BRAT1: variants seen among roughly 807,000 people sequenced by gnomAD.
The protein encoded by BRAT1 is integrator complex assembly factor BRAT1.
BRAT1 carries 74 observed loss-of-function variants against 70.6 expected under a neutral mutation model. The observed-to-expected ratio is 1.05, with a 90% CI of 0.87 to 1.27. The LOEUF (loss-of-function observed/expected upper bound fraction) is 1.27, where lower values mean the gene tolerates loss of function less well. Among genes scored for constraint, BRAT1 ranks in the 50% most tolerant of loss-of-function variants. The probability of loss-of-function intolerance (pLI) is 0.00; values close to 1 mark genes in which losing one functional copy is unlikely to be tolerated. For missense variants in BRAT1, 1,203 were observed against 1,098.2 expected (o/e 1.10, Z -1.35); for synonymous variants, 615 against 517.1 (o/e 1.19, Z -2.57).
chr7:2,540,814 C>T (rs569562611), intron 10 of BRAT1, 165 bp downstream of exon 10: 51 of 695,614 alleles, frequency 7.3e-5, no homozygotes, highest in African/African-American at 5.1e-4. Context: ...GCCCTGGGCC[C>T]GCCCCATGCA....
chr7:2,538,043 GC>G lies in BRAT1; in HGVS notation c.*25del. ...ATGGTGCTGCCTCCCTTGGTCCTGA[GC>G]CCCAGTGGCAGACTCTGGTTCTGCT... On this transcript the variant is annotated 3_prime_UTR_variant, in exon 14 of 14. Transcript: ENST00000340611. The G allele has an allele frequency of 6.6e-7, 1 of 1,522,658 alleles. No homozygotes were observed. Among genetic ancestry groups the G allele is most frequent in the Non-Finnish European group, 8.8e-7 (1 of 1,132,654 alleles). 94.3% of individuals were successfully genotyped at this position (1,522,658 alleles called of 1,614,324 possible).
At position 2,554,460 on chromosome 7, in the gene BRAT1, T is replaced by G; in HGVS notation, c.-16-13A>C. 2 of 1,606,484 alleles carry G rather than the reference T, an allele frequency of 1.2e-6. No individual in the cohort carries two copies. The highest frequency in any genetic ancestry group is 1.7e-6 in the Non-Finnish European group (2 of 1,177,548). On this transcript the variant is annotated splice_polypyrimidine_tract_variant and intron_variant, in intron 1 of 13. Transcript: ENST00000340611. Reference sequence around the variant, plus strand: ...GAGGCCGCAGGCCCTGCAAAGGCAATGTGAGAGCCAAACCTCAATGCCCAC... The same window carrying G: ...GAGGCCGCAGGCCCTGCAAAGGCAAGGTGAGAGCCAAACCTCAATGCCCAC...
At chr7:2,549,809 G>A (rs1350377056) in intron 2 of BRAT1, among the ~76,000 whole-genome samples, 1 of 152,174 alleles carries the variant, frequency 6.6e-6, no homozygotes, top group Non-Finnish European at 1.5e-5. Context: ...CTTTAAAGAA[G>A]CTGATGTAGC....
rs532794940 is a variant in BRAT1 at position 2,537,990 on chromosome 7, T to C, written c.*79A>G. The C allele has an allele frequency of 2.8e-6, 4 of 1,445,010 alleles. No homozygotes were observed. The highest frequency in any genetic ancestry group is 2.2e-4 in the Middle Eastern group (1 of 4,538). The allele number at this position is 1,445,010 out of a possible 1,614,324, so 89.5% of individuals were successfully genotyped here. A position where few individuals can be genotyped will look rare whatever the true frequency, so the allele number is the denominator to read the frequency against. On this transcript the variant is annotated 3_prime_UTR_variant, in exon 14 of 14. Coordinates refer to ENST00000340611, the MANE Select transcript of BRAT1 (RefSeq NM_152743.4). ...GATCCACCGGGCTGGGCTGGAGCCC[T>C]GGGGCTGGCAGTGTCCCACAGAAGG...
chr7:2,548,263 G>T (rs1332572317), intron 2 of BRAT1, among the ~76,000 whole-genome samples: 1 of 152,116 alleles, frequency 6.6e-6, no homozygotes, highest in Admixed American at 6.6e-5. Context: ...ACCAGTGGGG[G>T]AAAAAGACAT....
chr7:2,548,744 C>T (rs183158044), intron 2 of BRAT1, among the ~76,000 whole-genome samples: 38 of 151,646 alleles, frequency 2.5e-4, no homozygotes, highest in Admixed American at 1.2e-3. Context: ...AGGCAGATCA[C>T]GAGGTCAGGA....
chr7:2,543,423 G>A lies in BRAT1; in HGVS notation c.804-100C>T. 2 of 1,489,350 alleles carry A rather than the reference G, an allele frequency of 1.3e-6. No homozygotes were observed. The highest frequency in any genetic ancestry group is 1.8e-6 in the Non-Finnish European group (2 of 1,121,912). The allele number at this position is 1,489,350 out of a possible 1,614,324, so 92.3% of individuals were successfully genotyped here. A position where few individuals can be genotyped will look rare whatever the true frequency, so the allele number is the denominator to read the frequency against. On this transcript the variant is annotated intron_variant, in intron 5 of 13. Coordinates refer to ENST00000340611, the MANE Select transcript of BRAT1 (RefSeq NM_152743.4). This position sits in a 1 kb window ranked among gnomAD's most constrained non-coding sequence, Gnocchi z 5.5. Reference sequence around the variant, plus strand: ...ATGGCTCCGGCACTGGAGGCGCCCAGCCCAAGACAGGCCTTTCCCCATGAG... The same window carrying A: ...ATGGCTCCGGCACTGGAGGCGCCCAACCCAAGACAGGCCTTTCCCCATGAG...
chr7:2,552,634 GAATA>G (rs1562594514), intron 2 of BRAT1, among the ~76,000 whole-genome samples: 1 of 151,584 alleles, frequency 6.6e-6, no homozygotes, highest in African/African-American at 2.4e-5. Flanking sequence ...AGGAAGTAAA[GAATA>G]GCAGAAATTA....
At chr7:2,552,243 G>A (rs1468816197) in intron 2 of BRAT1, among the ~76,000 whole-genome samples, 1 of 144,726 alleles carries the variant, frequency 6.9e-6, no homozygotes, top group Admixed American at 7.1e-5. Flanking sequence ...TCAGCCTCCC[G>A]AGTAGCTGGG....
intron 10 of BRAT1, chr7:2,540,129 C>T (rs1218621621): frequency 1.1e-5 from 5 of 467,250 alleles, no homozygotes; most frequent in South Asian, 7.6e-5. Flanking sequence ...AACAGTCCTC[C>T]TGCCTCAGCC....
chr7:2,548,919 C>T (rs1300751835), intron 2 of BRAT1, among the ~76,000 whole-genome samples: 1 of 151,250 alleles, frequency 6.6e-6, no homozygotes, highest in East Asian at 2.0e-4. Flanking sequence ...GAGCCGAGAT[C>T]GCACCACTGC....
At chr7:2,538,859 A>G (rs1218664405) in intron 13 of BRAT1, 95 bp from the exon 14 acceptor site, 3 of 1,538,462 alleles carry the variant, frequency 1.9e-6, no homozygotes, top group Non-Finnish European at 1.7e-6. Context: ...CTGGCCCCGG[A>G]CATGCAGTCT....
chr7:2,538,515 G>A lies in BRAT1; in HGVS notation c.2020C>T (p.Pro674Ser), dbSNP rs1028833727. ...QTLGPPRTHC[P>S]YAVALPEVAP... The stretch of plus-strand genomic sequence containing the variant: ...ACCTCGGGTAGGGCCACGGCATAGG[G>A]GCAGTGGGTACGCGGCGGCCCCAAA... The change falls in exon 14 of 14, where the codon CCC becomes TCC. Residue 674 changes from proline to serine, a missense_variant. Pro to Ser is a moderately conservative substitution (Grantham distance 74). Coordinates refer to ENST00000340611, the MANE Select transcript of BRAT1 (RefSeq NM_152743.4). The A allele has an allele frequency of 7.5e-6, 12 of 1,609,790 alleles. No homozygotes were observed. Among genetic ancestry groups the A allele is most frequent in the East Asian group, 2.2e-5 (1 of 44,882 alleles).
At chr7:2,555,288 G>A (rs940300756) in intron 1 of BRAT1, among the ~76,000 whole-genome samples, 199 bp downstream of exon 1, 1 of 152,150 alleles carries the variant, frequency 6.6e-6, no homozygotes, top group East Asian at 1.9e-4. Flanking sequence ...TTTGAAGTCA[G>A]TTTTGGCCGC....
At chr7:2,547,508 CA>C in intron 2 of BRAT1, 30 bp from the exon 3 acceptor site, 12 of 1,607,492 alleles carry the variant, frequency 7.5e-6, no homozygotes, top group African/African-American at 6.7e-5. Flanking sequence ...CAGGGGTCAC[CA>C]GGGGTACGGC....
At position 2,538,275 on chromosome 7, in the gene BRAT1, T is replaced by G; in HGVS notation, c.2260A>C (p.Arg754=). 6.2e-7 allele frequency: 1 copy of G among 1,611,656 alleles called. No individual in the cohort carries two copies. Among genetic ancestry groups the G allele is most frequent in the Admixed American group, 1.7e-5 (1 of 59,980 alleles). Residue 754 remains arginine, a synonymous_variant, in exon 14 of 14, where the codon AGG becomes CGG. Transcript: ENST00000340611. ...NTASAEATLP[R]WRAGEQAQPP... The stretch of plus-strand genomic sequence containing the variant: ...TGGGCCTGCTCACCCGCCCGCCACC[T>G]CGGCAGGGTGGCCTCTGCGGAGGCA...
chr7:2,553,820 T>C (rs1304008804), intron 2 of BRAT1, among the ~76,000 whole-genome samples: 2 of 151,846 alleles, frequency 1.3e-5, no homozygotes, highest in African/African-American at 4.8e-5. Context: ...TTTTGTTTTT[T>C]TTTTTTTTAG....
In BRAT1 at chr7:2,541,784, G is replaced by C. The variant is rs756570790; in HGVS notation, c.1068C>G (p.Ala356=). ...DDATTVDTLL[A]SKSSCAGLLC... ...GGAGGCCGGCGCAGGACGACTTGGA[G>C]GCCAGGAGTGTGTCCACCGTCGTGG... Residue 356 remains alanine (A), a synonymous_variant, in exon 8 of 14, where the codon GCC becomes GCG. Coordinates refer to ENST00000340611, the MANE Select transcript of BRAT1 (RefSeq NM_152743.4). 6.2e-7 allele frequency: 1 copy of C among 1,612,768 alleles called. No individual in the cohort carries two copies. Among genetic ancestry groups the C allele is most frequent in the South Asian group, 1.1e-5 (1 of 91,062 alleles).
At position 2,541,830 on chromosome 7, in the gene BRAT1, A is replaced by T. The variant is rs767042606; in HGVS notation, c.1022T>A (p.Leu341Gln). 5.0e-6 allele frequency: 8 copies of T among 1,612,648 alleles called. No homozygotes were observed. In the South Asian group the frequency reaches 8.8e-5, roughly 18 times the overall value. ...CGTGGCATCGTCTGCCGTCCCGTCCAGCAAGCCTGGGGGCCAAGCCAGGAA... is the reference window on the plus strand; with the variant it reads ...CGTGGCATCGTCTGCCGTCCCGTCCTGCAAGCCTGGGGGCCAAGCCAGGAA... ...TVQAPGPPGLLDGTADDATTV... is the reference protein window; with the variant it reads ...TVQAPGPPGLQDGTADDATTV... Residue 341 changes from leucine to glutamine, a missense_variant, in exon 8 of 14, where the codon CTG (leucine) becomes CAG (glutamine). By Grantham distance (113) the Leu-to-Gln change is moderately radical (BLOSUM62 -2). Coordinates refer to ENST00000340611, the MANE Select transcript of BRAT1 (RefSeq NM_152743.4).
Sources: gnomAD v4.1 joint callset for allele counts (sites outside exome capture counted in the v4.1 genomes callset) on GRCh38, gnomAD v4.1.1 for gene constraint, Gnocchi (gnomAD v3.1) non-coding constraint, MANE v1.5 for transcripts, NCBI Gene and HGNC (gene_info 2026-07-23, HGNC 2026-07-21) for gene names.